FRYL: variants seen among roughly 807,000 people sequenced by gnomAD.
FRYL encodes the protein protein furry homolog-like.
A neutral mutation model predicts 351.2 loss-of-function variants in FRYL; 150 were observed. The observed-to-expected ratio is 0.43, with a 90% CI of 0.37 to 0.49. The LOEUF (loss-of-function observed/expected upper bound fraction) is 0.49, where lower values mean the gene tolerates loss of function less well. FRYL is among the 20% of genes least tolerant of loss of function. The pLI, the probability that FRYL is intolerant of heterozygous loss-of-function variation, is 0.00. For synonymous variants in FRYL, 1,153 were observed against 1,257.1 expected, an observed-to-expected ratio of 0.92 and a Z score of 1.75; for missense variants, 3,036 against 3,619.3, an observed-to-expected ratio of 0.84 and a Z score of 4.13.
chr4:48,771,900 G>C (rs552525500), intron 1 of FRYL, among the ~76,000 whole-genome samples: 2 of 152,168 alleles, frequency 1.3e-5, no homozygotes, highest in Non-Finnish European at 2.9e-5. Flanking sequence ...AGCAAACAAA[G>C]AGATAACAGT....
intron 3 of FRYL, 68 bp from the exon 4 acceptor site, chr4:48,634,558 C>T: frequency 8.1e-7 from 1 of 1,233,102 alleles, no homozygotes; most frequent in Non-Finnish European, 1.1e-6. Flanking sequence ...CATAACTACC[C>T]TATTTAATTT....
rs772470442 is a variant in FRYL, at chr4:48,551,525, T to C, written c.4489A>G (p.Asn1497Asp). 1.2e-5 allele frequency: 20 copies of C among 1,611,444 alleles called. No homozygotes were observed. In the East Asian group the frequency reaches 1.3e-4, roughly 11 times the overall value. The change falls in exon 37 of 64, where the codon AAT (asparagine) becomes GAT (aspartate). Residue 1497 changes from asparagine to aspartate, a missense_variant. Transcript: ENST00000358350. ...MVAPTDGNPDNKPIKENIEES... is the reference protein window; with the variant it reads ...MVAPTDGNPDDKPIKENIEES... ...TCAATATTCTCTTTAATGGGCTTAT[T>C]ATCAGGATTGCCATCTGTGGGAGCT...
intron 4 of FRYL, among the ~76,000 whole-genome samples, chr4:48,625,000 T>A (rs1299750152): frequency 6.6e-6 from 1 of 152,214 alleles, no homozygotes; most frequent in Non-Finnish European, 1.5e-5. Flanking sequence ...GACTAGAACT[T>A]ATACCATGGG....
chr4:48,546,087 G>A lies in FRYL; in HGVS notation c.5259C>T (p.Leu1753=). The change falls in exon 42 of 64, where the codon CTC becomes CTT. Residue 1753 remains leucine, a synonymous_variant. Coordinates refer to ENST00000358350, the MANE Select transcript of FRYL (RefSeq NM_015030.2). The stretch of plus-strand genomic sequence containing the variant: ...GTTACCTTGAGGTAATGAATTCCAT[G>A]AGGGTTTTGACTTTTCCATCCTGCT... ...SVEQDGKVKT[L]MEFITSRKRG... is the part of the protein sequence containing the mutation. 2 of 1,613,316 alleles carry A rather than the reference G, an allele frequency of 1.2e-6. No homozygotes were observed. Among genetic ancestry groups the A allele is most frequent in the Non-Finnish European group, 1.7e-6 (2 of 1,179,650 alleles).
chr4:48,531,475 G>A (rs148049706), intron 49 of FRYL, 122 bp from the exon 50 acceptor site: 29 of 668,436 alleles, frequency 4.3e-5, no homozygotes, highest in African/African-American at 4.2e-4. Flanking sequence ...TATTCATTTT[G>A]AAGATCCTTA....
At chr4:48,649,951 G>T (rs1477771966) in intron 3 of FRYL, among the ~76,000 whole-genome samples, 1 of 152,028 alleles carries the variant, frequency 6.6e-6, no homozygotes, top group South Asian at 2.1e-4. Flanking sequence ...AGTTATGTTC[G>T]AAGACACAAC....
At chr4:48,590,078 A>C (rs1742923213) in intron 17 of FRYL, among the ~76,000 whole-genome samples, 3 of 152,230 alleles carry the variant, frequency 2.0e-5, no homozygotes, top group Non-Finnish European at 1.5e-5. Context: ...AATTATGCAG[A>C]GGACTAAAAC....
chr4:48,634,466 T>C lies in FRYL; in HGVS notation c.-56A>G, dbSNP rs750633717. The C allele has an allele frequency of 6.2e-7, 1 of 1,611,174 alleles. No individual in the cohort carries two copies. The highest frequency in any genetic ancestry group is 8.5e-7 in the Non-Finnish European group (1 of 1,178,276). ...AAAGTTGGAAGAAGCACAGTATTTA[T>C]TTACTTTGCTGACTGGCGCTGAAGC... On this transcript the variant is annotated 5_prime_UTR_variant, in exon 4 of 64. Transcript: ENST00000358350.
intron 25 of FRYL, among the ~76,000 whole-genome samples, chr4:48,573,497 GT>G (rs763002872): frequency 6.6e-6 from 1 of 152,088 alleles, no homozygotes; most frequent in East Asian, 1.9e-4. Flanking sequence ...TATTCAATCA[GT>G]TTGCAATCCA....
chr4:48,633,194 T>G (rs938791), intron 4 of FRYL, among the ~76,000 whole-genome samples: 149,747 of 152,198 alleles, frequency 0.98, 73,703 homozygotes, highest in East Asian at 1. Flanking sequence ...CCTATTTAAG[T>G]TGGCAGAGAG....
intron 1 of FRYL, among the ~76,000 whole-genome samples, chr4:48,745,882 G>A (rs1772618274): frequency 6.6e-6 from 1 of 152,028 alleles, no homozygotes; most frequent in Non-Finnish European, 1.5e-5. Flanking sequence ...TGAAAAGGAA[G>A]GAAAACAGAT....
At position 48,567,300 on chromosome 4, in the gene FRYL, A is replaced by G; in HGVS notation, c.3117T>C (p.Asp1039=). The change falls in exon 28 of 64, where the codon GAT becomes GAC. Residue 1039 remains aspartate (D), a synonymous_variant. Transcript: ENST00000358350. The surrounding 1 kb of genome is among the most constrained non-coding windows in gnomAD (Gnocchi z 4.2). ...CTAAGGCACTAAAATGGCATCGTAT[A>G]TCCTTCAGTGTGTCAGAGTCTTTTT... ...ENEKDSDTLK[D]IRCHFSALVA... 1.9e-6 allele frequency: 3 copies of G among 1,612,860 alleles called. No homozygotes were observed. Among genetic ancestry groups the G allele is most frequent in the Non-Finnish European group, 2.5e-6 (3 of 1,179,508 alleles).
At position 48,609,742 on chromosome 4, in the gene FRYL, A is replaced by T; in HGVS notation, c.491+2T>A. The T allele has an allele frequency of 2.7e-6, 4 of 1,488,566 alleles. No individual in the cohort carries two copies. The highest frequency in any genetic ancestry group is 3.7e-6 in the Non-Finnish European group (4 of 1,081,526). The allele number at this position is 1,488,566 out of a possible 1,614,324, so 92.2% of individuals were successfully genotyped here. On this transcript the variant is annotated splice_donor_variant, in intron 8 of 63. Transcript: ENST00000358350. LOFTEE classifies it high-confidence loss of function. ...ACAATCCCAAGTTAGTATTTTACTTACCCTTCCTTATGTTTAAAGTGCTTA... is the reference window on the plus strand; with the variant it reads ...ACAATCCCAAGTTAGTATTTTACTTTCCCTTCCTTATGTTTAAAGTGCTTA...
intron 16 of FRYL, among the ~76,000 whole-genome samples, chr4:48,592,081 CTTATATATATATAT>C (rs1218859206): frequency 3.2e-4 from 8 of 24,834 alleles, no homozygotes; most frequent in South Asian, 2.4e-3. Flanking sequence ...AAATAAAGCT[CTTATATATATATAT>C]ATATATATAT....
In FRYL at chr4:48,522,867, C is replaced by A. The variant is rs1259922020; in HGVS notation, c.7521+34G>T. ...GTTGGAAGTTAAGAGGAAAATGAGA[C>A]CAAATGTCACTGTAAGAAAAGTGAA... is the stretch of plus-strand genomic sequence containing the variant. On this transcript the variant is annotated intron_variant, in intron 54 of 63. Transcript: ENST00000358350. The A allele has an allele frequency of 3.9e-6, 6 of 1,521,930 alleles. No individual in the cohort carries two copies. The African/African-American group carries it at 8.2e-5, about 21-fold the overall frequency. 94.3% of individuals were successfully genotyped at this position (1,521,930 alleles called of 1,614,324 possible).
intron 57 of FRYL, 78 bp from the exon 58 acceptor site, chr4:48,511,062 A>AG: frequency 1.2e-6 from 1 of 823,234 alleles, no homozygotes; most frequent in Non-Finnish European, 1.9e-6. Flanking sequence ...GAAGCATAAT[A>AG]GGGTAGACTT....
chr4:48,580,819 A>T (rs4695390), intron 22 of FRYL, 46 bp downstream of exon 22: 1,253,253 of 1,256,412 alleles, frequency 1, 625,101 homozygotes, highest in East Asian at 1. Flanking sequence ...TGTGTCTGTC[A>T]TAAGTCTCAA....
intron 2 of FRYL, among the ~76,000 whole-genome samples, chr4:48,704,231 C>T (rs377084951): frequency 6.6e-6 from 1 of 151,810 alleles, no homozygotes; most frequent in Admixed American, 6.6e-5. Context: ...ATAAAAAACA[C>T]CAACAAACAG....
chr4:48,600,556 A>C (rs980320090), intron 13 of FRYL, among the ~76,000 whole-genome samples: 1 of 152,048 alleles, frequency 6.6e-6, no homozygotes, highest in Non-Finnish European at 1.5e-5. Context: ...GCCTTAAGAC[A>C]AAAAAAAGTT....
Sources: gnomAD v4.1 joint callset for allele counts (sites outside exome capture counted in the v4.1 genomes callset) on GRCh38, gnomAD v4.1.1 for gene constraint, Gnocchi (gnomAD v3.1) non-coding constraint, MANE v1.5 for transcripts, NCBI Gene and HGNC (gene_info 2026-07-23, HGNC 2026-07-21) for gene names.